Variants in IL6ST observed in about 807,000 individuals in gnomAD.
The protein encoded by IL6ST is interleukin 6 cytokine family signal transducer, also known as interleukin-6 receptor subunit beta.
Under a neutral mutation model 91.3 loss-of-function variants are expected in IL6ST, and 24 were observed. The observed-to-expected ratio is 0.26, with a 90% CI of 0.19 to 0.37. The LOEUF (loss-of-function observed/expected upper bound fraction) is 0.37, where lower values mean the gene tolerates loss of function less well. IL6ST is among the 10% of genes least tolerant of loss of function. The pLI is 1.00. For missense variants in IL6ST, 914 were observed against 1,078.5 expected (o/e 0.85, Z 2.14); for synonymous variants, 351 against 373.6 (o/e 0.94, Z 0.70).
At chr5:55,967,683 A>G (rs1752717276) in intron 5 of IL6ST, among the ~76,000 whole-genome samples, 1 of 152,182 alleles carries the variant, frequency 6.6e-6, no homozygotes, top group East Asian at 1.9e-4. Flanking sequence ...TCTCTCTTCA[A>G]GACAATATAG....
At chr5:55,969,300 A>G (rs1462043397) in intron 4 of IL6ST, among the ~76,000 whole-genome samples, 1 of 152,100 alleles carries the variant, frequency 6.6e-6, no homozygotes, top group East Asian at 1.9e-4. Context: ...CATTATGTCA[A>G]TTCAACAATA....
intron 7 of IL6ST, among the ~76,000 whole-genome samples, 172 bp from the exon 8 acceptor site, chr5:55,960,733 G>A (rs1445420849): frequency 2.6e-5 from 4 of 152,104 alleles, no homozygotes; most frequent in East Asian, 1.9e-4. Flanking sequence ...AGGTTCAAGC[G>A]ATTCTCCTGC....
At chr5:55,992,662 T>C (rs1197500079) in intron 1 of IL6ST, among the ~76,000 whole-genome samples, 1 of 152,216 alleles carries the variant, frequency 6.6e-6, no homozygotes, top group Non-Finnish European at 1.5e-5. Context: ...ATATTCTCCA[T>C]TCTACATTTT....
chr5:55,957,439 A>T (rs1752058635), intron 8 of IL6ST, 148 bp from the exon 9 acceptor site: 1 of 468,638 alleles, frequency 2.1e-6, no homozygotes, highest in African/African-American at 2.1e-5. Context: ...TTCCCAACCC[A>T]GCACAAAACA....
rs892926064 is a variant in IL6ST, at chr5:55,941,951, A to G, written c.2020-132T>C. 3 of 711,718 alleles carry G rather than the reference A, an allele frequency of 4.2e-6. No homozygotes were observed. The African/African-American group carries it at 5.4e-5, about 13-fold the overall frequency. The allele number at this position is 711,718 out of a possible 1,614,324, so 44.1% of individuals were successfully genotyped here. Reference sequence around the variant, plus strand: ...TTATGTCACTAAGTCACTGTCAACTACCCAAAATGCAGATACTATAAAATG... The same window carrying G: ...TTATGTCACTAAGTCACTGTCAACTGCCCAAAATGCAGATACTATAAAATG... On this transcript the variant is annotated intron_variant, in intron 16 of 16. Coordinates refer to ENST00000381298, the MANE Select transcript of IL6ST (RefSeq NM_002184.4).
At chr5:55,960,256 G>A (rs532977728) in intron 8 of IL6ST, 146 bp downstream of exon 8, 69 of 602,728 alleles carry the variant, frequency 1.1e-4, no homozygotes, top group Non-Finnish European at 1.5e-4. Context: ...ACATCTTAAT[G>A]TCCTTAAAAA....
intron 5 of IL6ST, among the ~76,000 whole-genome samples, chr5:55,964,728 C>G (rs567219761): frequency 2.2e-4 from 33 of 152,072 alleles, no homozygotes; most frequent in Non-Finnish European, 4.7e-4. Flanking sequence ...ACCCCTTAGC[C>G]TTTAGTCTTA....
Position 55,967,751 on chromosome 5 carries a change from G to A in IL6ST, c.491+525C>T, listed in dbSNP as rs75049250. On this transcript the variant is annotated intron_variant, in intron 5 of 16. Coordinates refer to ENST00000381298, the MANE Select transcript of IL6ST (RefSeq NM_002184.4). ...GAGCTGACCAGTGTTGAAGCTGAGT[G>A]ATGGGTATGTATGGGTATTCTACTA... Among the ~76,000 whole-genome samples the A allele has an allele frequency of 2.9e-4, 44 of 152,210 alleles. No homozygotes were observed. The East Asian group carries it at 6.9e-3, about 24-fold the overall frequency.
chr5:55,970,094 T>A (rs1428955267), intron 3 of IL6ST, among the ~76,000 whole-genome samples: 1 of 152,212 alleles, frequency 6.6e-6, no homozygotes, highest in Non-Finnish European at 1.5e-5. Flanking sequence ...CATTCATGCT[T>A]TATAGCCCAT....
At chr5:55,961,025 G>A (rs569417764) in intron 7 of IL6ST, among the ~76,000 whole-genome samples, 6 of 150,574 alleles carry the variant, frequency 4.0e-5, no homozygotes, top group East Asian at 2.0e-4. Flanking sequence ...TGCAACCTCC[G>A]CCTCCCAGGT....
intron 1 of IL6ST, among the ~76,000 whole-genome samples, chr5:55,993,581 C>T (rs531281736): frequency 6.6e-6 from 1 of 152,258 alleles, no homozygotes; most frequent in African/African-American, 2.4e-5. Context: ...ATTGTCAATA[C>T]ATACTTAAAA....
intron 1 of IL6ST, among the ~76,000 whole-genome samples, chr5:55,987,878 A>G (rs1256900210): frequency 6.6e-6 from 1 of 152,190 alleles, no homozygotes; most frequent in Non-Finnish European, 1.5e-5. Context: ...TACGCCTGTA[A>G]TCCCAGCACT....
At chr5:55,990,557 G>A (rs980086165) in intron 1 of IL6ST, among the ~76,000 whole-genome samples, 1 of 152,160 alleles carries the variant, frequency 6.6e-6, no homozygotes, top group African/African-American at 2.4e-5. Flanking sequence ...CTTCTTTGAA[G>A]ACATGACTTC....
intron 1 of IL6ST, among the ~76,000 whole-genome samples, chr5:55,987,714 GA>G (rs1366836485): frequency 6.6e-6 from 1 of 152,136 alleles, no homozygotes; most frequent in African/African-American, 2.4e-5. Flanking sequence ...ATGTTATGAT[GA>G]TTAAATAACT....
rs751514605 is a variant in IL6ST, at chr5:55,963,398, T to G, written c.767A>C (p.Lys256Thr). 4.4e-6 allele frequency: 7 copies of G among 1,603,464 alleles called. No homozygotes were observed. The South Asian group carries it at 7.8e-5, about 18-fold the overall frequency. ...TTTGGTCCTATATTGAATGTTATAT[T>G]TTAGTATTATAACACTCTTAATACT... ...NPSIKSVIIL[K>T]YNIQYRTKDA... Residue 256 changes from lysine (K) to threonine (T), a missense_variant, in exon 7 of 17, where the codon AAA (lysine) becomes ACA (threonine). By Grantham distance (78) the Lys-to-Thr change is moderately conservative. Transcript: ENST00000381298.
chr5:55,942,454 T>A (rs973545787), intron 16 of IL6ST, among the ~76,000 whole-genome samples: 1 of 152,204 alleles, frequency 6.6e-6, no homozygotes, highest in Admixed American at 6.5e-5. Flanking sequence ...TATACTATGA[T>A]GGTGATAAAA....
chr5:55,957,156 C>CAAA (rs35994470), intron 9 of IL6ST, 53 bp downstream of exon 9: 118 of 762,168 alleles, frequency 1.5e-4, no homozygotes, highest in Middle Eastern at 8.0e-4. Context: ...GACTCGGTTT[C>CAAA]AAAAAAAAAA....
At chr5:55,992,199 T>C (rs192494453) in intron 1 of IL6ST, among the ~76,000 whole-genome samples, 1 of 152,340 alleles carries the variant, frequency 6.6e-6, no homozygotes, top group Non-Finnish European at 1.5e-5. Context: ...TGCACAGTAA[T>C]TGTTTCACAT....
chr5:55,984,509 G>T (rs550304437), intron 1 of IL6ST, among the ~76,000 whole-genome samples: 1 of 152,286 alleles, frequency 6.6e-6, no homozygotes, highest in Admixed American at 6.5e-5. Flanking sequence ...TTATGCAGCT[G>T]TAAGCTAAGG....
Sources: allele counts gnomAD v4.1 joint callset (sites outside exome capture counted in the v4.1 genomes callset), GRCh38; gene constraint gnomAD v4.1.1; transcripts MANE v1.5; gene names NCBI Gene and HGNC (gene_info 2026-07-23, HGNC 2026-07-21).